TRIM9: variants seen among roughly 807,000 people sequenced by gnomAD.
The protein encoded by TRIM9 is tripartite motif containing 9.
TRIM9 carries 26 observed loss-of-function variants against 78.3 expected under a neutral mutation model. That is an observed-to-expected ratio of 0.33 (90% CI 0.24 to 0.46). The LOEUF is 0.46. Ranked by LOEUF, TRIM9 falls within the 20% of genes least tolerant of loss-of-function variation. The pLI is 1.00. For synonymous variants in TRIM9, 398 were observed against 416.5 expected (o/e 0.96, Z 0.54); for missense variants, 787 against 1,036.4 (o/e 0.76, Z 3.30).
intron 7 of TRIM9, 40 bp downstream of exon 7, chr14:50,998,010 C>G (rs748897524): frequency 4.3e-6 from 7 of 1,612,732 alleles, no homozygotes; most frequent in Non-Finnish European, 5.9e-6. Flanking sequence ...TTAGATGCCA[C>G]GCAGTTCTCG....
intron 1 of TRIM9, among the ~76,000 whole-genome samples, chr14:51,048,800 C>T (rs774618344): frequency 3.8e-4 from 58 of 151,756 alleles, no homozygotes; most frequent in Non-Finnish European, 7.9e-4. Flanking sequence ...CTGGCTAACA[C>T]GGTGAAACCC....
chr14:50,978,168 T>C (rs921172758), intron 12 of TRIM9, among the ~76,000 whole-genome samples: 5 of 152,212 alleles, frequency 3.3e-5, no homozygotes, highest in South Asian at 2.1e-4. Context: ...CAGGGGCTGC[T>C]AGTTTGCAAT....
chr14:51,016,001 T>G (rs2057145585), intron 3 of TRIM9, among the ~76,000 whole-genome samples: 1 of 152,166 alleles, frequency 6.6e-6, no homozygotes, highest in South Asian at 2.1e-4. Context: ...CCTTTTTGTT[T>G]AAGGTCCGGT....
intron 1 of TRIM9, among the ~76,000 whole-genome samples, chr14:51,045,151 C>G (rs79502931): frequency 0.012 from 1,800 of 152,296 alleles, 27 homozygotes; most frequent in African/African-American, 0.041. Flanking sequence ...ACCAGCTGCT[C>G]AGCTGGTGAG....
At position 51,094,457 on chromosome 14, in the gene TRIM9, G is replaced by C; in HGVS notation, c.483C>G (p.Ser161Arg). The C allele has an allele frequency of 6.2e-7, 1 of 1,613,860 alleles. No homozygotes were observed. Among genetic ancestry groups the C allele is most frequent in the South Asian group, 1.1e-5 (1 of 91,066 alleles). ...LEGVIDRYQQ[S>R]KAAALKCQLC... is the part of the protein sequence containing the mutation. ...GCTGGCACTTGAGGGCCGCGGCTTT[G>C]CTCTGCTGGTAGCGGTCAATTACCC... The change falls in exon 1 of 13, where the codon AGC (serine) becomes AGG (arginine). Residue 161 changes from serine to arginine, a missense_variant. This residue lies in a region of TRIM9 where 352 missense variants were observed against 472.3 expected (regional missense o/e 0.75). Transcript: ENST00000684578.
chr14:50,985,936 G>T lies in TRIM9; in HGVS notation c.1792+20C>A. 1 of 1,504,118 alleles carries T rather than the reference G, an allele frequency of 6.6e-7. No homozygotes were observed. The highest frequency in any genetic ancestry group is 8.9e-7 in the Non-Finnish European group (1 of 1,123,876). 93.2% of individuals were successfully genotyped at this position (1,504,118 alleles called of 1,614,324 possible). A position where few individuals can be genotyped will look rare whatever the true frequency, so the allele number is the denominator to read the frequency against. On this transcript the variant is annotated intron_variant, in intron 8 of 12. Transcript: ENST00000684578. ...CAAGGCACAGAGATCAAGGGGAAAG[G>T]TCTGAGGAGCTCAGCTCACCCGGTG...
intron 1 of TRIM9, among the ~76,000 whole-genome samples, chr14:51,035,388 T>C (rs967310956): frequency 6.6e-6 from 1 of 152,250 alleles, no homozygotes; most frequent in African/African-American, 2.4e-5. Context: ...GCACTAATAT[T>C]TGAGTCTCTG....
chr14:50,996,130 G>C, intron 7 of TRIM9: 1 of 985,212 alleles, frequency 1.0e-6, no homozygotes, highest in Non-Finnish European at 1.2e-6. Flanking sequence ...CAGTAACAGA[G>C]AATACTGATA....
chr14:51,083,449 A>G (rs547164816), intron 1 of TRIM9, among the ~76,000 whole-genome samples: 1 of 151,874 alleles, frequency 6.6e-6, no homozygotes, highest in Non-Finnish European at 1.5e-5. Context: ...TTTAGAGATC[A>G]GGTCTCAGTA....
chr14:51,018,592 A>T (rs2057450855), intron 3 of TRIM9, among the ~76,000 whole-genome samples: 1 of 152,234 alleles, frequency 6.6e-6, no homozygotes, highest in South Asian at 2.1e-4. Context: ...AATGATAATT[A>T]TTCTAACAAA....
In TRIM9 at chr14:51,009,092, C is replaced by T. The variant is rs1264041827; in HGVS notation, c.1294G>A (p.Val432Met). The T allele has an allele frequency of 5.6e-6, 9 of 1,613,858 alleles. No individual in the cohort carries two copies. The highest frequency in any genetic ancestry group is 4.5e-5 in the East Asian group (2 of 44,882). The change falls in exon 5 of 13, where the codon GTG (valine) becomes ATG (methionine). Residue 432 changes from valine (V) to methionine (M), a missense_variant. By Grantham distance (21) the Val-to-Met change is conservative. Around this residue, in one of 3 missense-constraint regions of TRIM9, gnomAD observed 421 missense variants for 514.3 expected, o/e 0.82. Transcript: ENST00000684578. ...TGCAAGGACATACCTTTCACTTGCA[C>T]GAAATCCAGCTGGTGGATGGATTGC... ...LLQSIHQLDF[V>M]QVKASSPVPA... is the part of the protein sequence containing the mutation.
intron 3 of TRIM9, 77 bp from the exon 4 acceptor site, chr14:51,010,571 G>C: frequency 9.4e-7 from 1 of 1,066,814 alleles, no homozygotes; most frequent in East Asian, 2.4e-5. Context: ...CCATTGGAAA[G>C]CTTCTTCAAA....
chr14:50,980,816 C>T (rs1037987273), intron 11 of TRIM9, among the ~76,000 whole-genome samples: 3 of 152,224 alleles, frequency 2.0e-5, no homozygotes, highest in South Asian at 2.1e-4. Context: ...GAATAATACA[C>T]ACTTGAATGC....
At chr14:51,035,414 A>G (rs1035395508) in intron 1 of TRIM9, among the ~76,000 whole-genome samples, 10 of 152,222 alleles carry the variant, frequency 6.6e-5, no homozygotes, top group African/African-American at 2.2e-4. Flanking sequence ...GTGCAGTCAA[A>G]TCATTTTTAT....
chr14:51,094,842 C>A lies in TRIM9; in HGVS notation c.98G>T (p.Cys33Phe). ...GGTCTGCACCAGGATGTTGCGGGCG[C>A]ACGCCTGACACAAATTGTGAGAGCA... is the stretch of plus-strand genomic sequence containing the variant. ...LPCSHNLCQA[C>F]ARNILVQTPE... The change falls in exon 1 of 13, where the codon TGC becomes TTC. Residue 33 changes from cysteine to phenylalanine, a missense_variant. Physicochemically the swap from Cys to Phe is radical, Grantham distance 205 (BLOSUM62 -2). Coordinates refer to ENST00000684578, the MANE Select transcript of TRIM9 (RefSeq NM_001387360.1). 6.5e-7 allele frequency: 1 copy of A among 1,533,050 alleles called. No individual in the cohort carries two copies. Among genetic ancestry groups the A allele is most frequent in the Non-Finnish European group, 8.7e-7 (1 of 1,145,298 alleles). 95.0% of individuals were successfully genotyped at this position (1,533,050 alleles called of 1,614,324 possible).
intron 1 of TRIM9, among the ~76,000 whole-genome samples, chr14:51,077,690 G>A (rs773047072): frequency 3.9e-5 from 6 of 152,014 alleles, no homozygotes; most frequent in South Asian, 2.1e-4. Flanking sequence ...CACCACTCCC[G>A]GCTGTCCTAA....
chr14:50,983,941 G>A (rs551900948), intron 8 of TRIM9, among the ~76,000 whole-genome samples: 8 of 152,254 alleles, frequency 5.3e-5, no homozygotes, highest in East Asian at 1.9e-4. Context: ...ATGACATGAC[G>A]AATGTGTTAA....
chr14:51,080,233 A>T (rs2063172925), intron 1 of TRIM9, among the ~76,000 whole-genome samples: 1 of 152,170 alleles, frequency 6.6e-6, no homozygotes, highest in South Asian at 2.1e-4. Context: ...TGTTAAAAAA[A>T]AAAAGAATAT....
intron 5 of TRIM9, among the ~76,000 whole-genome samples, chr14:51,003,301 G>T (rs1012968198): frequency 6.7e-6 from 1 of 150,186 alleles, no homozygotes; most frequent in Admixed American, 6.6e-5. Flanking sequence ...GATTCCCCCC[G>T]GGGGGTATTT....
Sources: allele counts gnomAD v4.1 joint callset (sites outside exome capture counted in the v4.1 genomes callset), GRCh38; gene constraint gnomAD v4.1.1; regional missense constraint gnomAD v4.1.1; transcripts MANE v1.5; gene names NCBI Gene and HGNC (gene_info 2026-07-23, HGNC 2026-07-21).